SELP: variants seen among roughly 807,000 people sequenced by gnomAD.
SELP encodes the protein P-selectin.
SELP carries 92 observed loss-of-function variants against 104.1 expected under a neutral mutation model. The observed-to-expected ratio is 0.88, with a 90% CI of 0.75 to 1.05. SELP has a LOEUF of 1.05. Ranked by LOEUF, SELP falls within the 50% of genes least tolerant of loss-of-function variation. The pLI is 0.00. For missense variants in SELP, 1,022 were observed against 1,017.3 expected (o/e 1.00, Z -0.06); for synonymous variants, 397 against 364.5 (o/e 1.09, Z -1.01).
At chr1:169,599,497 G>A (rs1224939787) in intron 10 of SELP, among the ~76,000 whole-genome samples, 1 of 152,064 alleles carries the variant, frequency 6.6e-6, no homozygotes, top group Admixed American at 6.6e-5. Flanking sequence ...TTCTTCTATA[G>A]TCCATCAAGA....
intron 8 of SELP, among the ~76,000 whole-genome samples, chr1:169,608,681 C>T (rs1264945862): frequency 6.6e-6 from 1 of 152,108 alleles, no homozygotes; most frequent in Non-Finnish European, 1.5e-5. Context: ...CATGGGTGCA[C>T]AAATATCTCT....
In SELP at chr1:169,612,934, C is replaced by A; in HGVS notation, c.770G>T (p.Cys257Phe). 2 of 1,608,532 alleles carry A rather than the reference C, an allele frequency of 1.2e-6. No individual in the cohort carries two copies. Among genetic ancestry groups the A allele is most frequent in the South Asian group, 2.2e-5 (2 of 90,640 alleles). The change falls in exon 5 of 17, where the codon TGT (cysteine) becomes TTT (phenylalanine). Residue 257 changes from cysteine to phenylalanine, a missense_variant. Coordinates refer to ENST00000263686, the MANE Select transcript of SELP (RefSeq NM_003005.4). ...AAAGAATAAGGTCTACATACCTAAACACTGTGGAGGCTTATTTGTCCAGAT... is the reference window on the plus strand; with the variant it reads ...AAAGAATAAGGTCTACATACCTAAAAACTGTGGAGGCTTATTTGTCCAGAT... ...SGIWTNKPPQ[C>F]LAAQCPPLKI...
At position 169,617,400 on chromosome 1, in the gene SELP, T is replaced by C. The variant is rs150783271; in HGVS notation, c.109A>G (p.Lys37Glu). 5.6e-6 allele frequency: 9 copies of C among 1,613,858 alleles called. No individual in the cohort carries two copies. In the African/African-American group the frequency reaches 1.2e-4, roughly 22 times the overall value. The change falls in exon 3 of 17, where the codon AAA (lysine) becomes GAA (glutamate). Residue 37 changes from lysine to glutamate, a missense_variant. Coordinates refer to ENST00000263686, the MANE Select transcript of SELP (RefSeq NM_003005.4). ...SALISELTNQ[K>E]EVAAWTYHYS... ...TGATAAGTCCATGCTGCCACTTCTT[T>C]CTGGTTTGTTAGTTCTAGAGTAAAG...
rs761383072 is a variant in SELP at position 169,609,703 on chromosome 1, GTATCTTC to G, written c.1148-21_1148-15del. The G allele has an allele frequency of 7.5e-6, 12 of 1,601,498 alleles. No individual in the cohort carries two copies. Among genetic ancestry groups the G allele is most frequent in the Non-Finnish European group, 1.0e-5 (12 of 1,173,634 alleles). On this transcript the variant is annotated splice_polypyrimidine_tract_variant and intron_variant, in intron 7 of 16. Coordinates refer to ENST00000263686, the MANE Select transcript of SELP (RefSeq NM_003005.4). ...CACACGAAATAGCTAAGTGGAAAAGGTATCTTCTAAAGCCAGGTAATGGAAGGGCCGG... is the reference window on the plus strand; with the variant it reads ...CACACGAAATAGCTAAGTGGAAAAGGTAAAGCCAGGTAATGGAAGGGCCGG...
chr1:169,626,230 T>A (rs1046290390), intron 1 of SELP, among the ~76,000 whole-genome samples: 7 of 152,122 alleles, frequency 4.6e-5, no homozygotes, highest in Non-Finnish European at 8.8e-5. Context: ...TAGTGACAGA[T>A]CACATCGGGC....
chr1:169,616,589 T>C (rs1662822714), intron 3 of SELP, among the ~76,000 whole-genome samples: 1 of 152,222 alleles, frequency 6.6e-6, no homozygotes, highest in Non-Finnish European at 1.5e-5. Flanking sequence ...CAGTAGCTAT[T>C]AGTTACAGCT....
At chr1:169,603,613 C>T (rs1662034478) in intron 9 of SELP, among the ~76,000 whole-genome samples, 1 of 152,028 alleles carries the variant, frequency 6.6e-6, no homozygotes, top group African/African-American at 2.4e-5. Context: ...TCAGAAACAC[C>T]CCAATGACCT....
At chr1:169,627,619 T>C (rs1338145456) in intron 1 of SELP, among the ~76,000 whole-genome samples, 1 of 152,228 alleles carries the variant, frequency 6.6e-6, no homozygotes, top group Admixed American at 6.5e-5. Flanking sequence ...ACTGTGTGCC[T>C]ACTCTCTAGG....
At chr1:169,608,147 C>CTTTTTTTTTTTTTTTTTTTTT (rs200791706) in intron 8 of SELP, among the ~76,000 whole-genome samples, 1 of 138,246 alleles carries the variant, frequency 7.2e-6, no homozygotes, top group Non-Finnish European at 1.6e-5. Flanking sequence ...CTTGTTTTTT[C>CTTTTTTTTTTTTTTTTTTTTT]TTTTTTTTTT....
At position 169,612,915 on chromosome 1, in the gene SELP, TAAGGTCTACATA is replaced by T; in HGVS notation, c.775+2_775+13del. On this transcript the variant is annotated splice_donor_variant and splice_donor_5th_base_variant and intron_variant, in intron 5 of 16. Coordinates refer to ENST00000263686, the MANE Select transcript of SELP (RefSeq NM_003005.4). LOFTEE classifies it high-confidence loss of function. The stretch of plus-strand genomic sequence containing the variant: ...TCTATGTCAGTGAGGATGAAAAGAA[TAAGGTCTACATA>T]CCTAAACACTGTGGAGGCTTATTTG... The T allele has an allele frequency of 6.4e-7, 1 of 1,557,470 alleles. No individual in the cohort carries two copies.
chr1:169,594,675 C>A lies in SELP; in HGVS notation c.2287+17G>T. 6.2e-7 allele frequency: 1 copy of A among 1,608,274 alleles called. No individual in the cohort carries two copies. The highest frequency in any genetic ancestry group is 1.1e-5 in the South Asian group (1 of 90,584). ...TTCCACATCAAAGTGACTTCTTAAC[C>A]CACATGAAAATTGTACCTTGGCAGG... On this transcript the variant is annotated intron_variant, in intron 13 of 16. Coordinates refer to ENST00000263686, the MANE Select transcript of SELP (RefSeq NM_003005.4).
chr1:169,597,179 A>C lies in SELP; in HGVS notation c.1706-3T>G. The C allele has an allele frequency of 6.3e-7, 1 of 1,582,884 alleles. No homozygotes were observed. Among genetic ancestry groups the C allele is most frequent in the Non-Finnish European group, 8.6e-7 (1 of 1,163,018 alleles). ...AAAGAGTTCTGGGCACTTGATGGCT[A>C]GAGTATCAAATTAAGAGTGTCACAA... On this transcript the variant is annotated splice_region_variant and splice_polypyrimidine_tract_variant and intron_variant, in intron 10 of 16. Transcript: ENST00000263686.
At chr1:169,595,484 G>A (rs562071834) in intron 12 of SELP, among the ~76,000 whole-genome samples, 1 of 152,208 alleles carries the variant, frequency 6.6e-6, no homozygotes, top group Admixed American at 6.5e-5. Flanking sequence ...AAGAAACATA[G>A]GTCTCAATGC....
rs114711583 is a variant in SELP at position 169,620,067 on chromosome 1, G to T, written c.4-848C>A. Among the ~76,000 whole-genome samples, 853 of 152,156 alleles carry T rather than the reference G, an allele frequency of 5.6e-3. 1 individual carries two copies. Among genetic ancestry groups the T allele is most frequent in the Middle Eastern group, 0.017 (5 of 294 alleles). ...AGTACATTAAAAAAAAATTAGACAGGTGTGGTGGCGGGTGCTTGTAATCCC... is the reference window on the plus strand; with the variant it reads ...AGTACATTAAAAAAAAATTAGACAGTTGTGGTGGCGGGTGCTTGTAATCCC... On this transcript the variant is annotated intron_variant, in intron 1 of 16. Transcript: ENST00000263686.
At chr1:169,607,799 A>G (rs1357473716) in intron 8 of SELP, among the ~76,000 whole-genome samples, 2 of 152,176 alleles carry the variant, frequency 1.3e-5, no homozygotes, top group African/African-American at 4.8e-5. Flanking sequence ...ATTAGCTGCT[A>G]TATTAGTAGC....
At chr1:169,605,481 G>C (rs994344147) in intron 9 of SELP, among the ~76,000 whole-genome samples, 2 of 149,710 alleles carry the variant, frequency 1.3e-5, no homozygotes, top group African/African-American at 2.4e-5. Flanking sequence ...AATGGGGTGT[G>C]TGTGTGGGGG....
At chr1:169,597,294 A>G (rs1235011656) in intron 10 of SELP, 118 bp from the exon 11 acceptor site, 5 of 900,630 alleles carry the variant, frequency 5.6e-6, no homozygotes, top group African/African-American at 1.8e-5. Flanking sequence ...TATTCCAGGT[A>G]TTTTGCTAGG....
At position 169,611,519 on chromosome 1, in the gene SELP, A is replaced by G; in HGVS notation, c.1120T>C (p.Trp374Arg). The change falls in exon 7 of 17, where the codon TGG becomes CGG. Residue 374 changes from tryptophan to arginine, a missense_variant. Trp to Arg is a moderately radical substitution (Grantham distance 101, BLOSUM62 -3). Transcript: ENST00000263686. ...DMLRCIDSGH[W>R]SAPLPTCEAI... ...TCACAGGTTGGCAAGGGTGCAGACC[A>G]GTGTCCAGAGTCAATGCAGCGGAGC... 3 of 1,614,080 alleles carry G rather than the reference A, an allele frequency of 1.9e-6. No homozygotes were observed. The highest frequency in any genetic ancestry group is 2.5e-6 in the Non-Finnish European group (3 of 1,179,984).
At chr1:169,597,399 G>A (rs1253441748) in intron 10 of SELP, among the ~76,000 whole-genome samples, 4 of 152,190 alleles carry the variant, frequency 2.6e-5, no homozygotes, top group African/African-American at 4.8e-5. Flanking sequence ...TACAAGTCAC[G>A]AAGACAAAGA....
Sources: allele counts gnomAD v4.1 joint callset (sites outside exome capture counted in the v4.1 genomes callset), GRCh38; gene constraint gnomAD v4.1.1; transcripts MANE v1.5; gene names NCBI Gene and HGNC (gene_info 2026-07-23, HGNC 2026-07-21).